The following ROBO2 variants were observed in gnomAD, a reference collection of about 807,000 sequenced individuals.
ROBO2 encodes roundabout homolog 2.
A neutral mutation model predicts 160.8 loss-of-function variants in ROBO2; 53 were observed. The ratio of observed to expected loss-of-function variants is 0.33; its 90% CI spans 0.26 to 0.41. ROBO2 has a LOEUF of 0.41. Among genes scored for constraint, ROBO2 ranks in the 10% least tolerant of loss-of-function variants. ROBO2 has a pLI of 1.00. For missense variants in ROBO2, 1,577 were observed against 1,722.4 expected, an observed-to-expected ratio of 0.92 and a Z score of 1.49; for synonymous variants, 664 against 611.7, an observed-to-expected ratio of 1.09 and a Z score of -1.26.
intron 6 of ROBO2, among the ~76,000 whole-genome samples, chr3:77,534,148 C>G (rs1476561618): frequency 6.6e-6 from 1 of 152,016 alleles, no homozygotes; most frequent in Non-Finnish European, 1.5e-5. Flanking sequence ...GGCAGGGGTA[C>G]TTCATAATTT....
intron 2 of ROBO2, among the ~76,000 whole-genome samples, chr3:76,157,124 C>A (rs2072438230): frequency 6.6e-6 from 1 of 152,180 alleles, no homozygotes; most frequent in Non-Finnish European, 1.5e-5. Flanking sequence ...GCTTAGGTAG[C>A]CAACTCCACC....
intron 2 of ROBO2, among the ~76,000 whole-genome samples, chr3:77,011,091 C>T (rs968804916): frequency 0.019 from 1,324 of 69,860 alleles, 8 homozygotes; most frequent in Non-Finnish European, 0.027. Context: ...CTTTCTTTTT[C>T]TTTCTATCTT....
At chr3:76,635,733 G>A (rs183328341) in intron 2 of ROBO2, among the ~76,000 whole-genome samples, 303 of 152,282 alleles carry the variant, frequency 2.0e-3, no homozygotes, top group Middle Eastern at 3.4e-3. Context: ...ACTTCCTCAC[G>A]AGCTCAAAAA....
chr3:76,555,874 A>C (rs1443585341), intron 2 of ROBO2, among the ~76,000 whole-genome samples: 1 of 152,086 alleles, frequency 6.6e-6, no homozygotes, highest in African/African-American at 2.4e-5. Context: ...TGAGGTCAAG[A>C]GTGTGAGACC....
intron 2 of ROBO2, among the ~76,000 whole-genome samples, chr3:77,281,705 G>C (rs1320336576): frequency 2.0e-5 from 3 of 152,102 alleles, no homozygotes; most frequent in Non-Finnish European, 2.9e-5. Context: ...TAGGCACCAG[G>C]GACTGGTTGT....
At chr3:76,818,019 A>G (rs2065834517) in intron 2 of ROBO2, among the ~76,000 whole-genome samples, 1 of 152,056 alleles carries the variant, frequency 6.6e-6, no homozygotes, top group Admixed American at 6.6e-5. Flanking sequence ...GATACCCAGT[A>G]GTGGGATTGT....
intron 2 of ROBO2, among the ~76,000 whole-genome samples, chr3:77,172,226 C>T (rs1293115126): frequency 1.3e-5 from 2 of 152,128 alleles, no homozygotes; most frequent in African/African-American, 4.8e-5. Flanking sequence ...GGACTGGGAA[C>T]ACCTTGTAAG....
chr3:77,445,645 AATATAG>A (rs1035256841), intron 2 of ROBO2, among the ~76,000 whole-genome samples: 1 of 152,102 alleles, frequency 6.6e-6, no homozygotes, highest in Non-Finnish European at 1.5e-5. Flanking sequence ...GAACAATTTA[AATATAG>A]ATATAGCCTT....
intron 2 of ROBO2, among the ~76,000 whole-genome samples, chr3:76,129,261 T>C (rs985718765): frequency 2.8e-4 from 42 of 152,122 alleles, no homozygotes; most frequent in African/African-American, 1.0e-3. Context: ...GCAAACAATT[T>C]GCTGCTGTAC....
intron 2 of ROBO2, among the ~76,000 whole-genome samples, chr3:76,318,086 C>T (rs1205656301): frequency 6.6e-6 from 1 of 151,456 alleles, no homozygotes; most frequent in East Asian, 1.9e-4. Context: ...TGTTATTTAC[C>T]TGAAATATAA....
At chr3:76,444,285 T>C (rs1180658693) in intron 2 of ROBO2, among the ~76,000 whole-genome samples, 1 of 152,118 alleles carries the variant, frequency 6.6e-6, no homozygotes, top group East Asian at 1.9e-4. Context: ...TCCTAAAAAT[T>C]ATTTTAAGAT....
chr3:77,252,664 T>A (rs1472587216), intron 2 of ROBO2, among the ~76,000 whole-genome samples: 1 of 149,794 alleles, frequency 6.7e-6, no homozygotes, highest in African/African-American at 2.4e-5. Context: ...AAAAATTAGC[T>A]GGGCGTGGTG....
At chr3:77,365,107 T>A (rs957397605) in intron 2 of ROBO2, among the ~76,000 whole-genome samples, 4 of 145,458 alleles carry the variant, frequency 2.7e-5, no homozygotes, top group African/African-American at 1.0e-4. Context: ...ATTGCACCAC[T>A]GCACTCCAGC....
At chr3:77,226,672 T>C (rs1295447400) in intron 2 of ROBO2, among the ~76,000 whole-genome samples, 1 of 152,146 alleles carries the variant, frequency 6.6e-6, no homozygotes, top group African/African-American at 2.4e-5. Flanking sequence ...CAAAAAGGCA[T>C]TTAATATACC....
chr3:77,282,044 A>T (rs761076552), intron 2 of ROBO2, among the ~76,000 whole-genome samples: 4 of 152,110 alleles, frequency 2.6e-5, no homozygotes, highest in Non-Finnish European at 5.9e-5. Context: ...TACTTTTAAT[A>T]TTTACTACAA....
chr3:76,384,710 T>C (rs957963057), intron 2 of ROBO2, among the ~76,000 whole-genome samples: 6 of 152,052 alleles, frequency 3.9e-5, no homozygotes, highest in Non-Finnish European at 8.8e-5. Context: ...GAAGGGTAAG[T>C]ACTGAGGAGA....
chr3:77,042,623 A>T (rs1389452894), intron 1 of ROBO2, among the ~76,000 whole-genome samples: 1 of 152,182 alleles, frequency 6.6e-6, no homozygotes, highest in Non-Finnish European at 1.5e-5. Flanking sequence ...ATATGAAACA[A>T]ATGCAATTAA....
At chr3:76,913,063 T>C (rs1403024121) in intron 2 of ROBO2, among the ~76,000 whole-genome samples, 5 of 152,160 alleles carry the variant, frequency 3.3e-5, no homozygotes, top group African/African-American at 7.2e-5. Flanking sequence ...GAGGTCCAGA[T>C]TGAGTCTAAT....
In ROBO2 at chr3:76,321,283, G is replaced by A. The variant is rs547804825; in HGVS notation, c.109+383681G>A. Among the ~76,000 whole-genome samples the A allele has an allele frequency of 9.9e-5, 15 of 152,206 alleles. No individual in the cohort carries two copies. In the South Asian group the frequency reaches 2.3e-3, roughly 23 times the overall value. ...CTGTAATCCCAGACTTTGGGAGGCCGAGGTGGGCGGATCACGAGGTCAAGA... is the reference window on the plus strand; with the variant it reads ...CTGTAATCCCAGACTTTGGGAGGCCAAGGTGGGCGGATCACGAGGTCAAGA... On this transcript the variant is annotated intron_variant, in intron 2 of 26. Transcript: ENST00000487694.
Sources: gnomAD v4.1 joint callset for allele counts (sites outside exome capture counted in the v4.1 genomes callset) on GRCh38, gnomAD v4.1.1 for gene constraint, MANE v1.5 for transcripts, NCBI Gene and HGNC (gene_info 2026-07-23, HGNC 2026-07-21) for gene names.